Variants in ARHGAP35 observed in about 807,000 individuals in gnomAD.
ARHGAP35 encodes the protein Rho GTPase activating protein 35.
A neutral mutation model predicts 111.1 loss-of-function variants in ARHGAP35; 15 were observed. The observed-to-expected ratio is 0.13, with a 90% CI of 0.09 to 0.21. The LOEUF (loss-of-function observed/expected upper bound fraction) is 0.21. Ranked by LOEUF, ARHGAP35 falls within the 10% of genes least tolerant of loss-of-function variation. The pLI, the probability that ARHGAP35 is intolerant of heterozygous loss-of-function variation, is 1.00. For synonymous variants in ARHGAP35, 643 were observed against 710.3 expected, an observed-to-expected ratio of 0.91 and a Z score of 1.51; for missense variants, 1,262 against 1,873.0, an observed-to-expected ratio of 0.67 and a Z score of 6.02.
At chr19:46,978,691 GTGTGTGGTGGGGCA>G (rs2122312528) in intron 3 of ARHGAP35, among the ~76,000 whole-genome samples, 2 of 145,356 alleles carry the variant, frequency 1.4e-5, no homozygotes, top group East Asian at 4.2e-4. Context: ...GGTGGGATGT[GTGTGTGGTGGGGCA>G]TGTGTGTGGT....
chr19:46,994,840 G>A lies in ARHGAP35; in HGVS notation c.4037-4464G>A, dbSNP rs999364878. 2.6e-5 allele frequency among the ~76,000 whole-genome samples: 4 copies of A among 152,206 alleles called. No homozygotes were observed. Among genetic ancestry groups the A allele is most frequent in the African/African-American group, 9.6e-5 (4 of 41,454 alleles). On this transcript the variant is annotated intron_variant, in intron 5 of 6. Coordinates refer to ENST00000672722, the MANE Select transcript of ARHGAP35 (RefSeq NM_004491.5). The surrounding 1 kb of genome is among the most constrained non-coding windows in gnomAD (Gnocchi z 5.4). ...ACTGCGGATGAACAAATGACCCAAG[G>A]AGGAGGGGCCTCCCAAATCCGAGAA...
intron 1 of ARHGAP35, among the ~76,000 whole-genome samples, chr19:46,895,256 C>T (rs908857697): frequency 2.0e-5 from 3 of 151,742 alleles, no homozygotes; most frequent in African/African-American, 4.8e-5. Context: ...CTCCACCTCC[C>T]GGGTTCACGC....
chr19:46,932,691 C>G (rs935605067), intron 2 of ARHGAP35, among the ~76,000 whole-genome samples: 4 of 152,124 alleles, frequency 2.6e-5, no homozygotes, highest in African/African-American at 9.7e-5. Flanking sequence ...TTGTGACACC[C>G]TAGAGAGCCT....
At chr19:46,969,294 CAAT>C (rs1404806179) in intron 3 of ARHGAP35, among the ~76,000 whole-genome samples, 9 of 152,144 alleles carry the variant, frequency 5.9e-5, no homozygotes, top group African/African-American at 1.9e-4. Flanking sequence ...AATTATATCT[CAAT>C]AAAACGGTTG....
intron 1 of ARHGAP35, among the ~76,000 whole-genome samples, chr19:46,892,594 C>T (rs932817189): frequency 1.0e-4 from 15 of 149,312 alleles, no homozygotes; most frequent in African/African-American, 1.5e-4. Flanking sequence ...TTCTAAAGTA[C>T]GAAGTATGTA....
At chr19:46,996,174 G>A (rs1199189502) in intron 5 of ARHGAP35, among the ~76,000 whole-genome samples, 1 of 152,170 alleles carries the variant, frequency 6.6e-6, no homozygotes, top group Non-Finnish European at 1.5e-5. Context: ...CACGATCTTG[G>A]CTCACTGCAA....
At chr19:46,968,823 A>G (rs936392640) in intron 3 of ARHGAP35, among the ~76,000 whole-genome samples, 3 of 152,218 alleles carry the variant, frequency 2.0e-5, no homozygotes, top group Non-Finnish European at 2.9e-5. Flanking sequence ...GCAGTGGCTC[A>G]CACCTGTAAT....
chr19:46,885,630 G>A (rs573098518), intron 1 of ARHGAP35, among the ~76,000 whole-genome samples: 1 of 152,254 alleles, frequency 6.6e-6, no homozygotes, highest in South Asian at 2.1e-4. Context: ...TCACGGGAAG[G>A]TATTTGGATG....
chr19:46,883,888 C>T (rs2122139939), intron 1 of ARHGAP35, among the ~76,000 whole-genome samples: 1 of 152,074 alleles, frequency 6.6e-6, no homozygotes, highest in East Asian at 1.9e-4. Flanking sequence ...AACCCCATCT[C>T]TACTAAAATA....
chr19:46,969,095 T>A (rs943104703), intron 3 of ARHGAP35, among the ~76,000 whole-genome samples: 18 of 151,414 alleles, frequency 1.2e-4, no homozygotes, highest in Admixed American at 2.6e-4. Flanking sequence ...AAAAAAAAAA[T>A]AGAAAGAAGT....
chr19:46,957,470 A>T (rs2056446485), intron 3 of ARHGAP35, among the ~76,000 whole-genome samples: 1 of 152,118 alleles, frequency 6.6e-6, no homozygotes, highest in Admixed American at 6.5e-5. Context: ...AAAATTTGCC[A>T]GGCATGGTAG....
chr19:46,911,382 G>A (rs1224828577), intron 1 of ARHGAP35, among the ~76,000 whole-genome samples: 1 of 152,130 alleles, frequency 6.6e-6, no homozygotes, highest in Non-Finnish European at 1.5e-5. Context: ...ATCCTCGTCA[G>A]CAAAGACAGT....
chr19:46,991,654 G>A (rs1228346350), intron 5 of ARHGAP35, among the ~76,000 whole-genome samples: 1 of 152,230 alleles, frequency 6.6e-6, no homozygotes, highest in Non-Finnish European at 1.5e-5. Flanking sequence ...TGGGAGAGGA[G>A]AAGATCTTGC....
chr19:46,937,215 T>G, intron 2 of ARHGAP35, 49 bp from the exon 3 acceptor site: 1 of 1,608,504 alleles, frequency 6.2e-7, no homozygotes. Context: ...TTAAGTTACA[T>G]GTTGATACTC....
At chr19:46,888,015 G>C (rs533718244) in intron 1 of ARHGAP35, among the ~76,000 whole-genome samples, 66 of 148,966 alleles carry the variant, frequency 4.4e-4, no homozygotes, top group South Asian at 1.9e-3. Context: ...GCAGTGGCAC[G>C]ATCTCGGCTT....
At chr19:46,895,037 G>GT (rs2056046124) in intron 1 of ARHGAP35, among the ~76,000 whole-genome samples, 2 of 152,090 alleles carry the variant, frequency 1.3e-5, no homozygotes, top group African/African-American at 4.8e-5. Context: ...CCTTGAAAGA[G>GT]TATTTCCAGA....
intron 2 of ARHGAP35, among the ~76,000 whole-genome samples, chr19:46,927,204 C>G (rs2056243637): frequency 6.6e-6 from 1 of 152,192 alleles, no homozygotes; most frequent in African/African-American, 2.4e-5. Context: ...AGGAGACATG[C>G]ATTTCGGTGC....
At chr19:46,894,761 G>A (rs2056044858) in intron 1 of ARHGAP35, among the ~76,000 whole-genome samples, 1 of 151,886 alleles carries the variant, frequency 6.6e-6, no homozygotes, top group Admixed American at 6.6e-5. Context: ...TTTAGTGAAA[G>A]GAAAGCCATG....
In ARHGAP35 at chr19:46,992,920, C is replaced by G. The variant is rs533711760; in HGVS notation, c.4036+3245C>G. Among the ~76,000 whole-genome samples, 1 of 152,208 alleles carries G rather than the reference C, an allele frequency of 6.6e-6. No homozygotes were observed. The highest frequency in any genetic ancestry group is 2.4e-5 in the African/African-American group (1 of 41,452). ...TGCTCTCTGGGCTCTTGTTCACCAG[C>G]TGCCTTGGGACGTTACTGGTTCTGG... On this transcript the variant is annotated intron_variant, in intron 5 of 6. Coordinates refer to ENST00000672722, the MANE Select transcript of ARHGAP35 (RefSeq NM_004491.5). The surrounding 1 kb of genome is among the most constrained non-coding windows in gnomAD (Gnocchi z 4.4).
Sources: gnomAD v4.1 joint callset for allele counts (sites outside exome capture counted in the v4.1 genomes callset) on GRCh38, gnomAD v4.1.1 for gene constraint, Gnocchi (gnomAD v3.1) non-coding constraint, MANE v1.5 for transcripts, NCBI Gene and HGNC (gene_info 2026-07-23, HGNC 2026-07-21) for gene names.